STIM1: variants seen among roughly 807,000 people sequenced by gnomAD.
STIM1 encodes stromal interaction molecule 1.
A neutral mutation model predicts 74.7 loss-of-function variants in STIM1; 25 were observed. The observed-to-expected ratio is 0.33, with a 90% CI of 0.24 to 0.47. STIM1 has a LOEUF of 0.47. Ranked by LOEUF, STIM1 falls within the 20% of genes least tolerant of loss-of-function variation. STIM1 has a pLI of 1.00. For synonymous variants in STIM1, 328 were observed against 348.8 expected (o/e 0.94, Z 0.66); for missense variants, 728 against 920.8 (o/e 0.79, Z 2.71).
At chr11:3,944,100 C>T (rs1590589215) in intron 1 of STIM1, among the ~76,000 whole-genome samples, 1 of 152,156 alleles carries the variant, frequency 6.6e-6, no homozygotes, top group African/African-American at 2.4e-5. Flanking sequence ...GGATTTTTAG[C>T]ACATTTTCTC....
chr11:3,964,727 CTTT>C (rs796758787), intron 1 of STIM1, among the ~76,000 whole-genome samples: 7 of 142,056 alleles, frequency 4.9e-5, no homozygotes, highest in East Asian at 2.0e-4. Flanking sequence ...TTCTTTAATT[CTTT>C]TTTTTTTTTT....
intron 3 of STIM1, among the ~76,000 whole-genome samples, chr11:4,029,014 C>T (rs1329528711): frequency 6.6e-6 from 1 of 151,686 alleles, no homozygotes; most frequent in Non-Finnish European, 1.5e-5. Flanking sequence ...GGTGAAACCC[C>T]ATCTCTACTA....
intron 1 of STIM1, among the ~76,000 whole-genome samples, chr11:3,948,976 G>C (rs2093112423): frequency 6.6e-6 from 1 of 152,168 alleles, no homozygotes; most frequent in African/African-American, 2.4e-5. Context: ...CTTACTATGT[G>C]CCATGCTCTA....
chr11:3,947,751 A>T (rs2093096543), intron 1 of STIM1: 1 of 152,180 alleles, frequency 6.6e-6, no homozygotes, highest in African/African-American at 2.4e-5. Context: ...ATTTATTCTT[A>T]TCAAGGCTCT....
At chr11:4,062,531 A>G (rs1452471203) in intron 5 of STIM1, among the ~76,000 whole-genome samples, 3 of 152,228 alleles carry the variant, frequency 2.0e-5, no homozygotes, top group Non-Finnish European at 4.4e-5. Flanking sequence ...TTGAGGCATA[A>G]GAATTGCTGA....
At chr11:4,083,613 C>T in intron 10 of STIM1, 115 bp downstream of exon 10, 1 of 985,428 alleles carries the variant, frequency 1.0e-6, no homozygotes, top group South Asian at 1.4e-5. Flanking sequence ...GAAGATAGTT[C>T]AACTCATGAC....
intron 1 of STIM1, among the ~76,000 whole-genome samples, chr11:3,925,254 G>C (rs959363416): frequency 6.6e-6 from 1 of 152,124 alleles, no homozygotes; most frequent in Non-Finnish European, 1.5e-5. Flanking sequence ...AATTAGCTGG[G>C]CATGGTGGCG....
chr11:3,983,565 A>T (rs936234314), intron 2 of STIM1, among the ~76,000 whole-genome samples: 3 of 152,134 alleles, frequency 2.0e-5, no homozygotes, highest in Admixed American at 2.0e-4. Context: ...AGGGGCCTGA[A>T]TCAATTTCTT....
In STIM1 at chr11:4,005,466, AAACT is replaced by A; in HGVS notation, c.271-18405_271-18402del. Among the ~76,000 whole-genome samples, 3 of 152,104 alleles carry A rather than the reference AAACT, an allele frequency of 2.0e-5. No individual in the cohort carries two copies. In the South Asian group the frequency reaches 6.2e-4, roughly 32 times the overall value. ...GAAATTGGAAATCATCATTCTCAGT[AAACT>A]ATCGCAAGGACAAAAAACCAAACAC... On this transcript the variant is annotated intron_variant, in intron 2 of 12. Coordinates refer to ENST00000526596, the MANE Select transcript of STIM1 (RefSeq NM_001382567.1).
At chr11:4,028,845 C>T (rs961932239) in intron 3 of STIM1, among the ~76,000 whole-genome samples, 3 of 152,032 alleles carry the variant, frequency 2.0e-5, no homozygotes, top group African/African-American at 7.2e-5. Context: ...GTGGACTTTG[C>T]CATAGTAGTT....
chr11:3,903,746 T>G (rs966419870), intron 1 of STIM1: 3 of 152,214 alleles, frequency 2.0e-5, no homozygotes, highest in African/African-American at 7.2e-5. Flanking sequence ...GGACTGATAG[T>G]CTGGTTGCTT....
At chr11:3,904,284 T>A (rs1011753824) in intron 1 of STIM1, among the ~76,000 whole-genome samples, 1 of 150,216 alleles carries the variant, frequency 6.7e-6, no homozygotes, top group Non-Finnish European at 1.5e-5. Context: ...GATGCCACCC[T>A]GTAAGGATGA....
At chr11:3,983,755 T>C (rs1469395388) in intron 2 of STIM1, among the ~76,000 whole-genome samples, 3 of 152,232 alleles carry the variant, frequency 2.0e-5, no homozygotes, top group Non-Finnish European at 4.4e-5. Context: ...TTTTGGTCCC[T>C]GGACCCAATT....
intron 2 of STIM1, among the ~76,000 whole-genome samples, chr11:4,020,669 A>T (rs561004999): frequency 2.0e-5 from 3 of 151,884 alleles, no homozygotes; most frequent in Non-Finnish European, 4.4e-5. Flanking sequence ...ACTCACTACA[A>T]CCTTGATCTC....
At chr11:4,027,690 G>T (rs994891805) in intron 3 of STIM1, among the ~76,000 whole-genome samples, 2 of 152,126 alleles carry the variant, frequency 1.3e-5, no homozygotes, top group Non-Finnish European at 2.9e-5. Flanking sequence ...CTTTGCTCAA[G>T]AGTCAGATAT....
chr11:4,074,494 C>T lies in STIM1; in HGVS notation c.792-8C>T, dbSNP rs201395930. 2.5e-4 allele frequency: 397 copies of T among 1,613,100 alleles called. No individual in the cohort carries two copies. The highest frequency in any genetic ancestry group is 3.0e-4 in the Non-Finnish European group (351 of 1,179,946). On this transcript the variant is annotated splice_polypyrimidine_tract_variant and splice_region_variant and intron_variant, in intron 6 of 12. Coordinates refer to ENST00000526596, the MANE Select transcript of STIM1 (RefSeq NM_001382567.1). The stretch of plus-strand genomic sequence containing the variant: ...GGCCTCCTCCAGCTCCCTGCATTGC[C>T]CCCCCAGGCTGCACAAGGCCCAGGA...
At chr11:3,974,258 T>A in intron 2 of STIM1, 1 of 357,768 alleles carries the variant, frequency 2.8e-6, no homozygotes, top group East Asian at 4.4e-5. Context: ...GAAGAGAGAC[T>A]TTAATGATGT....
intron 7 of STIM1, among the ~76,000 whole-genome samples, chr11:4,079,063 G>C (rs998225458): frequency 2.6e-5 from 4 of 152,200 alleles, no homozygotes; most frequent in Admixed American, 6.5e-5. Flanking sequence ...AGGCCAAAGC[G>C]GGCGGATCAT....
intron 1 of STIM1, chr11:3,961,446 A>T (rs1238204776): frequency 1.1e-5 from 2 of 188,638 alleles, no homozygotes; most frequent in East Asian, 1.5e-4. Flanking sequence ...GCAAGGCCAA[A>T]TGAGAAGCAT....
Sources: gnomAD v4.1 joint callset for allele counts (sites outside exome capture counted in the v4.1 genomes callset) on GRCh38, gnomAD v4.1.1 for gene constraint, MANE v1.5 for transcripts, NCBI Gene and HGNC (gene_info 2026-07-23, HGNC 2026-07-21) for gene names.